Variants in HBP1 observed in about 807,000 individuals in gnomAD.
The protein encoded by HBP1 is HMG box-containing protein 1.
Under a neutral mutation model 62.6 loss-of-function variants are expected in HBP1, and 20 were observed. The observed-to-expected ratio is 0.32, with a 90% CI of 0.22 to 0.46. HBP1 has a LOEUF of 0.46. Among genes scored for constraint, HBP1 ranks in the 20% least tolerant of loss-of-function variants. The pLI is 1.00. For missense variants in HBP1, 480 were observed against 611.8 expected (o/e 0.78, Z 2.27); for synonymous variants, 232 against 206.2 (o/e 1.12, Z -1.07).
At chr7:107,169,710 A>G (rs1031921242) in intron 1 of HBP1, 20 of 983,994 alleles carry the variant, frequency 2.0e-5, no homozygotes, top group Non-Finnish European at 2.3e-5. Context: ...CCCGGGGCTC[A>G]TTGTTACGCA....
chr7:107,199,745 A>T (rs1798125204), intron 9 of HBP1, among the ~76,000 whole-genome samples: 1 of 152,210 alleles, frequency 6.6e-6, no homozygotes, highest in Non-Finnish European at 1.5e-5. Flanking sequence ...TATCAGTTTA[A>T]CTTCTTAGCA....
chr7:107,199,892 T>C (rs1464497159), intron 9 of HBP1, among the ~76,000 whole-genome samples: 3 of 152,260 alleles, frequency 2.0e-5, no homozygotes, highest in African/African-American at 7.2e-5. Context: ...AAAAGACCTT[T>C]ATCAAAACTA....
At chr7:107,188,591 A>G (rs1156687635) in intron 6 of HBP1, among the ~76,000 whole-genome samples, 1 of 152,172 alleles carries the variant, frequency 6.6e-6, no homozygotes, top group African/African-American at 2.4e-5. Flanking sequence ...AGATCCTACC[A>G]TGTGGCATGT....
At chr7:107,186,493 A>G in intron 5 of HBP1, 21 bp downstream of exon 5, 5 of 1,586,866 alleles carry the variant, frequency 3.2e-6, no homozygotes, top group South Asian at 1.1e-5. Context: ...CAAACAAACA[A>G]AAACCTTGAA....
chr7:107,191,640 A>G (rs1299149021), intron 8 of HBP1, among the ~76,000 whole-genome samples: 3 of 152,214 alleles, frequency 2.0e-5, no homozygotes, highest in African/African-American at 7.2e-5. Flanking sequence ...ATATAATCAT[A>G]TAGTGGAATT....
chr7:107,182,575 A>C lies in HBP1; in HGVS notation c.372A>C (p.Pro124=), dbSNP rs201726964. Reference sequence around the variant, plus strand: ...ATATCGCGACCAGTCCACAAAGTCCACTGATGCAGTGCTCATTTTACAATA... The same window carrying C: ...ATATCGCGACCAGTCCACAAAGTCCCCTGATGCAGTGCTCATTTTACAATA... ...LANIATSPQS[P]LMQCSFYNRS... is the part of the protein sequence containing the mutation. The change falls in exon 3 of 11, where the codon CCA becomes CCC. Residue 124 remains proline (P), a synonymous_variant. Coordinates refer to ENST00000222574, the MANE Select transcript of HBP1 (RefSeq NM_012257.4). The C allele has an allele frequency of 1.2e-4, 195 of 1,597,666 alleles. No individual in the cohort carries two copies. The highest frequency in any genetic ancestry group is 1.6e-4 in the Non-Finnish European group (188 of 1,165,298).
chr7:107,199,285 T>A (rs1798086301), intron 9 of HBP1, among the ~76,000 whole-genome samples: 1 of 152,152 alleles, frequency 6.6e-6, no homozygotes, highest in Non-Finnish European at 1.5e-5. Context: ...TTTCACCATG[T>A]CGGCCAGGCT....
chr7:107,170,465 G>A (rs1203079908), intron 1 of HBP1, among the ~76,000 whole-genome samples: 2 of 151,876 alleles, frequency 1.3e-5, no homozygotes, highest in Non-Finnish European at 2.9e-5. Flanking sequence ...AAATGAGTGT[G>A]GTAGAGTCGG....
At chr7:107,197,007 A>G (rs567834030) in intron 9 of HBP1, 17 of 152,346 alleles carry the variant, frequency 1.1e-4, no homozygotes, top group African/African-American at 3.1e-4. Flanking sequence ...TGAGTCAACT[A>G]TGGATTGTAC....
intron 1 of HBP1, 90 bp downstream of exon 1, chr7:107,169,275 C>T (rs958591381): frequency 1.7e-5 from 11 of 646,624 alleles, no homozygotes; most frequent in Non-Finnish European, 4.1e-6. Flanking sequence ...GGCTCGGGTC[C>T]TCGTTCCTTC....
In HBP1 at chr7:107,181,563, T is replaced by C. The variant is rs548838674; in HGVS notation, c.170-810T>C. Among the ~76,000 whole-genome samples, 48 of 152,056 alleles carry C rather than the reference T, an allele frequency of 3.2e-4. 1 individual carries two copies. Among genetic ancestry groups the C allele is most frequent in the African/African-American group, 9.2e-4 (38 of 41,530 alleles). On this transcript the variant is annotated intron_variant, in intron 2 of 10. Coordinates refer to ENST00000222574, the MANE Select transcript of HBP1 (RefSeq NM_012257.4). ...CCTGAATAGGAGTTATACATACTTT[T>C]ATAGTGACATTTAGGAGACTAGAAA...
chr7:107,197,753 G>A (rs901468943), intron 9 of HBP1, among the ~76,000 whole-genome samples: 1 of 152,180 alleles, frequency 6.6e-6, no homozygotes, highest in African/African-American at 2.4e-5. Context: ...TAATCTTTAA[G>A]TTGTAATCCA....
rs955423067 is a variant in HBP1, at chr7:107,195,891, C to T, written c.1125C>T (p.Arg375=). The T allele has an allele frequency of 8.1e-6, 13 of 1,612,726 alleles. No individual in the cohort carries two copies. The highest frequency in any genetic ancestry group is 3.3e-5 in the Admixed American group (2 of 59,978). ...TTTATGTGTTAAGTAGTATGGCTCG[C>T]CAGCGTCGTGCATCTTTGTCTTGTG... The part of the protein sequence containing the change: ...SAVYVLSSMA[R]QRRASLSCGG... The change falls in exon 9 of 11, where the codon CGC becomes CGT. Residue 375 remains arginine (R), a synonymous_variant. Transcript: ENST00000222574.
chr7:107,200,342 T>C, intron 10 of HBP1, 41 bp downstream of exon 10: 1 of 1,560,560 alleles, frequency 6.4e-7, no homozygotes, highest in Non-Finnish European at 8.8e-7. Flanking sequence ...TCTTGCCTTA[T>C]CCGTGCAGGT....
chr7:107,176,372 A>G (rs541874260), intron 1 of HBP1, among the ~76,000 whole-genome samples: 4 of 152,270 alleles, frequency 2.6e-5, no homozygotes, highest in South Asian at 2.1e-4. Flanking sequence ...CTGTAGAACT[A>G]TGGTCATTTG....
At chr7:107,184,597 G>A (rs371439620) in intron 3 of HBP1, among the ~76,000 whole-genome samples, 19 of 152,180 alleles carry the variant, frequency 1.2e-4, no homozygotes, top group African/African-American at 4.1e-4. Context: ...TGCAAGCTCC[G>A]CCTTCCGGGT....
rs1160740045 is a variant in HBP1 at position 107,171,071 on chromosome 7, A to ATTTTTTTTTTTTTTTTTTT, written c.-16+1887_-16+1888insTTTTTTTTTTTTTTTTTTT. ...AATATATATATATATATATATATATATATTTTTTTTTTTTTTTGAGAGGGA... is the reference window on the plus strand; with the variant it reads ...AATATATATATATATATATATATATATTTTTTTTTTTTTTTTTTTTATTTTTTTTTTTTTTTGAGAGGGA... On this transcript the variant is annotated intron_variant, in intron 1 of 10. Coordinates refer to ENST00000222574, the MANE Select transcript of HBP1 (RefSeq NM_012257.4). Among the ~76,000 whole-genome samples, 4 of 84,300 alleles carry ATTTTTTTTTTTTTTTTTTT rather than the reference A, an allele frequency of 4.7e-5. 1 individual carries two copies. The highest frequency in any genetic ancestry group is 3.3e-4 in the African/African-American group (4 of 12,244). 55.3% of individuals were successfully genotyped at this position (84,300 alleles called of 152,430 possible).
At chr7:107,181,487 T>A (rs1459840527) in intron 2 of HBP1, among the ~76,000 whole-genome samples, 1 of 151,898 alleles carries the variant, frequency 6.6e-6, no homozygotes. Flanking sequence ...AAAATTTTTT[T>A]TTTTTTAAGA....
At chr7:107,200,055 T>G (rs1201989383) in intron 9 of HBP1, 105 bp from the exon 10 acceptor site, 1 of 889,490 alleles carries the variant, frequency 1.1e-6, no homozygotes, top group African/African-American at 1.7e-5. Flanking sequence ...TAGACAAGAT[T>G]TTCATCTTTT....
Sources: allele counts gnomAD v4.1 joint callset (sites outside exome capture counted in the v4.1 genomes callset), GRCh38; gene constraint gnomAD v4.1.1; transcripts MANE v1.5; gene names NCBI Gene and HGNC (gene_info 2026-07-23, HGNC 2026-07-21).